FARS2: variants seen among roughly 807,000 people sequenced by gnomAD.
The protein encoded by FARS2 is phenylalanine--tRNA ligase, mitochondrial.
A neutral mutation model predicts 46.4 loss-of-function variants in FARS2; 40 were observed. The observed-to-expected ratio is 0.86, with a 90% confidence interval of 0.67 to 1.12. The LOEUF is 1.12. Ranked by LOEUF, FARS2 falls within the 50% of genes most tolerant of loss-of-function variation. FARS2 has a pLI of 0.00. For synonymous variants in FARS2, 234 were observed against 214.9 expected, an observed-to-expected ratio of 1.09 and a Z score of -0.78; for missense variants, 513 against 567.9, an observed-to-expected ratio of 0.90 and a Z score of 0.98.
chr6:5,767,487 T>G (rs1762814076), intron 6 of FARS2, among the ~76,000 whole-genome samples: 1 of 152,224 alleles, frequency 6.6e-6, no homozygotes, highest in Non-Finnish European at 1.5e-5. Flanking sequence ...AGGAGTAGAA[T>G]TGCTGGATTA....
At chr6:5,387,467 G>T (rs1328282874) in intron 2 of FARS2, among the ~76,000 whole-genome samples, 1 of 152,218 alleles carries the variant, frequency 6.6e-6, no homozygotes, top group African/African-American at 2.4e-5. Context: ...CAGTAAAGAA[G>T]AGGACAAAGC....
At chr6:5,340,782 T>G (rs1447136173) in intron 1 of FARS2, among the ~76,000 whole-genome samples, 1 of 152,004 alleles carries the variant, frequency 6.6e-6, no homozygotes, top group African/African-American at 2.4e-5. Context: ...CTGCTATGGT[T>G]GTAAATGAAT....
chr6:5,590,472 A>G (rs1017271942), intron 5 of FARS2, among the ~76,000 whole-genome samples: 1 of 152,214 alleles, frequency 6.6e-6, no homozygotes, highest in African/African-American at 2.4e-5. Context: ...GGTGTCGTCT[A>G]GCACAGAGGT....
At chr6:5,508,587 TG>T (rs1454430234) in intron 4 of FARS2, among the ~76,000 whole-genome samples, 1 of 152,072 alleles carries the variant, frequency 6.6e-6, no homozygotes, top group Non-Finnish European at 1.5e-5. Context: ...GAGGAAAGCA[TG>T]GGTGTACCCA....
Position 5,616,010 on chromosome 6 carries a change from T to TAAAAAA in FARS2, c.1217+2710_1217+2715dup, listed in dbSNP as rs11327256. On this transcript the variant is annotated intron_variant, in intron 6 of 6. Coordinates refer to ENST00000274680, the MANE Select transcript of FARS2 (RefSeq NM_006567.5). ...ACTTCAGATTGTAACCCATAGCTCT[T>TAAAAAA]AAAAAAAAAAAAAAAAAAAAAAAAA... Among the ~76,000 whole-genome samples the TAAAAAA allele has an allele frequency of 2.4e-4, 23 of 95,826 alleles. No homozygotes were observed. In the East Asian group the frequency reaches 6.6e-3, roughly 27 times the overall value. The allele number at this position is 95,826 out of a possible 152,430, so 62.9% of individuals were successfully genotyped here. A position where few individuals can be genotyped will look rare whatever the true frequency, so the allele number is the denominator to read the frequency against.
At chr6:5,702,592 A>G (rs988399927) in intron 6 of FARS2, among the ~76,000 whole-genome samples, 1 of 152,006 alleles carries the variant, frequency 6.6e-6, no homozygotes, top group African/African-American at 2.4e-5. Flanking sequence ...TCTTACTGTA[A>G]ACTTTAAAAG....
At chr6:5,518,522 G>A (rs2150419431) in intron 4 of FARS2, among the ~76,000 whole-genome samples, 1 of 152,276 alleles carries the variant, frequency 6.6e-6, no homozygotes, top group Non-Finnish European at 1.5e-5. Context: ...AGAATATAGA[G>A]TGAGAAGTAT....
At chr6:5,533,903 C>A (rs1770020113) in intron 4 of FARS2, among the ~76,000 whole-genome samples, 1 of 152,192 alleles carries the variant, frequency 6.6e-6, no homozygotes, top group African/African-American at 2.4e-5. Context: ...TTGGCAGATA[C>A]CTTTTGTTAC....
chr6:5,767,670 A>G (rs1762824032), intron 6 of FARS2, among the ~76,000 whole-genome samples: 1 of 152,148 alleles, frequency 6.6e-6, no homozygotes, highest in African/African-American at 2.4e-5. Context: ...CATCTGTATA[A>G]TGGGTCAGTA....
chr6:5,731,541 C>T (rs909991861), intron 6 of FARS2, among the ~76,000 whole-genome samples: 4 of 152,166 alleles, frequency 2.6e-5, no homozygotes, highest in East Asian at 1.9e-4. Context: ...TTTCACACAC[C>T]GGAGTATGGT....
chr6:5,743,193 T>C (rs1761450368), intron 6 of FARS2, among the ~76,000 whole-genome samples: 1 of 152,212 alleles, frequency 6.6e-6, no homozygotes, highest in East Asian at 1.9e-4. Context: ...ATGGCAACTT[T>C]AGCTCCCTCT....
chr6:5,659,898 C>G (rs991790847), intron 6 of FARS2, among the ~76,000 whole-genome samples: 1 of 152,228 alleles, frequency 6.6e-6, no homozygotes, highest in African/African-American at 2.4e-5. Flanking sequence ...TTCGAAGGAA[C>G]TTTACAATGC....
intron 4 of FARS2, among the ~76,000 whole-genome samples, chr6:5,434,974 C>A (rs1250905932): frequency 6.6e-6 from 1 of 152,144 alleles, no homozygotes; most frequent in South Asian, 2.1e-4. Context: ...ATGCCAGCAT[C>A]CCATAAAGCA....
At chr6:5,514,008 C>G (rs1036672770) in intron 4 of FARS2, among the ~76,000 whole-genome samples, 6 of 151,214 alleles carry the variant, frequency 4.0e-5, no homozygotes, top group Non-Finnish European at 2.9e-5. Flanking sequence ...CCATGGTATA[C>G]AGGAGGTTTG....
At chr6:5,543,261 C>G (rs1019814952) in intron 4 of FARS2, among the ~76,000 whole-genome samples, 1 of 152,022 alleles carries the variant, frequency 6.6e-6, no homozygotes, top group African/African-American at 2.4e-5. Context: ...TATAATGAAG[C>G]CTTTTCCCTC....
At chr6:5,491,610 G>A (rs1767116528) in intron 4 of FARS2, among the ~76,000 whole-genome samples, 1 of 152,166 alleles carries the variant, frequency 6.6e-6, no homozygotes, top group Non-Finnish European at 1.5e-5. Context: ...CATGCTGCAG[G>A]AGTCCTTCCC....
At chr6:5,644,113 A>G (rs2150745271) in intron 6 of FARS2, among the ~76,000 whole-genome samples, 1 of 152,248 alleles carries the variant, frequency 6.6e-6, no homozygotes, top group Non-Finnish European at 1.5e-5. Flanking sequence ...GACAGCAGAT[A>G]CTGCCACAGC....
chr6:5,285,673 AG>A (rs754092442), intron 1 of FARS2, among the ~76,000 whole-genome samples: 4 of 152,202 alleles, frequency 2.6e-5, no homozygotes, highest in Non-Finnish European at 5.9e-5. Flanking sequence ...GCTTTAGGGC[AG>A]GTAGAGAAGG....
intron 1 of FARS2, among the ~76,000 whole-genome samples, chr6:5,348,246 G>C (rs1387035064): frequency 6.6e-6 from 1 of 152,006 alleles, no homozygotes; most frequent in African/African-American, 2.4e-5. Context: ...TCCACTCCAA[G>C]GTATGAAAGC....
Sources: allele counts gnomAD v4.1 joint callset (sites outside exome capture counted in the v4.1 genomes callset), GRCh38; gene constraint gnomAD v4.1.1; transcripts MANE v1.5; gene names NCBI Gene and HGNC (gene_info 2026-07-23, HGNC 2026-07-21).